Variants in FNDC3B observed in about 807,000 individuals in gnomAD.
FNDC3B encodes fibronectin type III domain-containing protein 3B.
In FNDC3B, 12 loss-of-function variants were observed where a neutral mutation model predicts 151.5. That is an observed-to-expected ratio of 0.08 (90% confidence interval 0.05 to 0.13). FNDC3B has a LOEUF of 0.13. FNDC3B is among the 10% of genes least tolerant of loss of function. The pLI, the probability that FNDC3B is intolerant of heterozygous loss-of-function variation, is 1.00. For synonymous variants in FNDC3B, 528 were observed against 549.0 expected, an observed-to-expected ratio of 0.96 and a Z score of 0.54; for missense variants, 1,214 against 1,505.3, an observed-to-expected ratio of 0.81 and a Z score of 3.20.
intron 1 of FNDC3B, among the ~76,000 whole-genome samples, chr3:172,085,538 T>C (rs1438616370): frequency 1.3e-5 from 2 of 152,210 alleles, no homozygotes; most frequent in Non-Finnish European, 2.9e-5. Flanking sequence ...TTTTTAAATA[T>C]GAAGAAATAT....
chr3:172,092,312 C>G (rs553977294), intron 1 of FNDC3B, among the ~76,000 whole-genome samples: 2 of 152,124 alleles, frequency 1.3e-5, no homozygotes, highest in African/African-American at 2.4e-5. Flanking sequence ...ATGCCTGAGC[C>G]CCTGTCATAT....
chr3:172,351,235 C>T (rs886866715), intron 21 of FNDC3B, among the ~76,000 whole-genome samples: 16 of 152,190 alleles, frequency 1.1e-4, no homozygotes, highest in Non-Finnish European at 1.9e-4. Flanking sequence ...AGAGAGGGCT[C>T]GCTGAACAGG....
intron 3 of FNDC3B, among the ~76,000 whole-genome samples, chr3:172,189,999 C>G (rs1724421098): frequency 6.6e-6 from 1 of 152,070 alleles, no homozygotes; most frequent in Non-Finnish European, 1.5e-5. Flanking sequence ...GATGAGGAAA[C>G]TGATACGTCA....
intron 4 of FNDC3B, among the ~76,000 whole-genome samples, chr3:172,236,339 C>T (rs745337937): frequency 3.3e-5 from 5 of 152,098 alleles, no homozygotes; most frequent in Non-Finnish European, 7.4e-5. Context: ...ATCTTGTCAC[C>T]CGTTTAGCCC....
At chr3:172,380,931 A>C (rs769811720) in intron 24 of FNDC3B, 35 bp from the exon 25 acceptor site, 1 of 1,609,034 alleles carries the variant, frequency 6.2e-7, no homozygotes, top group South Asian at 1.1e-5. Context: ...TGATACTTTG[A>C]ATTTTGAGCT....
At chr3:172,134,452 G>A in intron 3 of FNDC3B, 1 of 505,402 alleles carries the variant, frequency 2.0e-6, no homozygotes, top group Non-Finnish European at 4.0e-6. Flanking sequence ...ATCAGTATTA[G>A]GTTATTAATT....
chr3:172,218,980 A>G (rs145540062), intron 3 of FNDC3B, among the ~76,000 whole-genome samples: 48 of 152,352 alleles, frequency 3.2e-4, no homozygotes, highest in African/African-American at 1.1e-3. Flanking sequence ...TCTTGCTTTC[A>G]AAGGAAAGTG....
In FNDC3B at chr3:172,398,421, G is replaced by C. The variant is rs1025794484; in HGVS notation, c.*946G>C. ...TTGTGAGCAGTCTTCTTATGTGTCA[G>C]CTCATTATTTTTGAAACATTTGCCT... On this transcript the variant is annotated 3_prime_UTR_variant, in exon 26 of 26. Coordinates refer to ENST00000415807, the MANE Select transcript of FNDC3B (RefSeq NM_022763.4). 3 of 152,570 alleles carry C rather than the reference G, an allele frequency of 2.0e-5. No homozygotes were observed. Among genetic ancestry groups the C allele is most frequent in the Non-Finnish European group, 2.9e-5 (2 of 68,038 alleles). The allele number at this position is 152,570 out of a possible 1,614,324, so 9.5% of individuals were successfully genotyped here. A position where few individuals can be genotyped will look rare whatever the true frequency, so the allele number is the denominator to read the frequency against.
intron 4 of FNDC3B, among the ~76,000 whole-genome samples, chr3:172,235,900 G>A (rs577562722): frequency 6.6e-6 from 1 of 152,312 alleles, no homozygotes; most frequent in Admixed American, 6.5e-5. Context: ...GGACCTGAGT[G>A]TGCCTGAGAA....
chr3:172,084,470 T>TACACACACACACACACACACAC (rs774135456), intron 1 of FNDC3B, among the ~76,000 whole-genome samples: 4 of 46,606 alleles, frequency 8.6e-5, no homozygotes, highest in East Asian at 9.4e-4. Flanking sequence ...TATGTATATG[T>TACACACACACACACACACACAC]ATACACACAC....
intron 3 of FNDC3B, among the ~76,000 whole-genome samples, chr3:172,189,214 A>AG (rs531665746): frequency 6.2e-4 from 95 of 152,252 alleles, no homozygotes; most frequent in African/African-American, 2.2e-3. Flanking sequence ...GTGTTATTTT[A>AG]GGGGGGAAGA....
At position 172,352,707 on chromosome 3, in the gene FNDC3B, G is replaced by A. The variant is rs2108325110; in HGVS notation, c.2515-96G>A. ...TTTCTACCTGCATATGTGGAAATGT[G>A]TACTACTTTAGATTTATTTAATGGC... On this transcript the variant is annotated intron_variant, in intron 21 of 25. Coordinates refer to ENST00000415807, the MANE Select transcript of FNDC3B (RefSeq NM_022763.4). This position sits in a 1 kb window ranked among gnomAD's most constrained non-coding sequence, Gnocchi z 4.2. 10 of 1,217,914 alleles carry A rather than the reference G, an allele frequency of 8.2e-6. No individual in the cohort carries two copies. Among genetic ancestry groups the A allele is most frequent in the African/African-American group, 3.0e-5 (2 of 66,508 alleles). The allele number at this position is 1,217,914 out of a possible 1,614,324, so 75.4% of individuals were successfully genotyped here. A position where few individuals can be genotyped will look rare whatever the true frequency, so the allele number is the denominator to read the frequency against.
chr3:172,289,506 T>C (rs887647078), intron 7 of FNDC3B, among the ~76,000 whole-genome samples: 3 of 152,236 alleles, frequency 2.0e-5, no homozygotes, highest in Admixed American at 2.0e-4. Flanking sequence ...TGTTATTGCC[T>C]GAGACAGTCC....
At chr3:172,351,869 G>T (rs1576938160) in intron 21 of FNDC3B, among the ~76,000 whole-genome samples, 1 of 152,202 alleles carries the variant, frequency 6.6e-6, no homozygotes, top group Non-Finnish European at 1.5e-5. Flanking sequence ...GGGATGAGGA[G>T]CTGTGTGGAC....
intron 1 of FNDC3B, among the ~76,000 whole-genome samples, chr3:172,094,636 T>C (rs1719010543): frequency 6.6e-6 from 1 of 152,170 alleles, no homozygotes; most frequent in Non-Finnish European, 1.5e-5. Flanking sequence ...CTGTGAGGAA[T>C]CTGCGTTTTT....
At chr3:172,210,669 T>C (rs1025296045) in intron 3 of FNDC3B, among the ~76,000 whole-genome samples, 3 of 152,150 alleles carry the variant, frequency 2.0e-5, no homozygotes, top group Non-Finnish European at 4.4e-5. Context: ...TCTGCACTTT[T>C]GTAGTATTTT....
intron 3 of FNDC3B, among the ~76,000 whole-genome samples, chr3:172,168,583 A>C (rs1723123845): frequency 6.6e-6 from 1 of 152,220 alleles, no homozygotes; most frequent in Non-Finnish European, 1.5e-5. Flanking sequence ...CTTACAAGTT[A>C]AATTATATTT....
chr3:172,075,652 A>G (rs564503558), intron 1 of FNDC3B, among the ~76,000 whole-genome samples: 1 of 152,048 alleles, frequency 6.6e-6, no homozygotes, highest in South Asian at 2.1e-4. Context: ...ATAGGCTTCT[A>G]TAGCACTATT....
intron 1 of FNDC3B, among the ~76,000 whole-genome samples, chr3:172,083,354 T>G (rs1718377703): frequency 6.6e-6 from 1 of 152,238 alleles, no homozygotes; most frequent in South Asian, 2.1e-4. Flanking sequence ...GCACACACTT[T>G]GGGTTTGCGT....
Sources: allele counts gnomAD v4.1 joint callset (sites outside exome capture counted in the v4.1 genomes callset), GRCh38; gene constraint gnomAD v4.1.1; non-coding constraint Gnocchi (gnomAD v3.1); transcripts MANE v1.5; gene names NCBI Gene and HGNC (gene_info 2026-07-23, HGNC 2026-07-21).